The following SEM1 variants were observed in gnomAD, a reference collection of about 807,000 sequenced individuals.
SEM1 encodes the protein SEM1 26S proteasome subunit.
SEM1 carries 3 observed loss-of-function variants against 12.7 expected under a neutral mutation model. The observed-to-expected ratio is 0.24, with a 90% CI of 0.11 to 0.61. The LOEUF is 0.61. SEM1 is among the 20% of genes least tolerant of loss of function. SEM1 has a pLI of 0.88. For synonymous variants in SEM1, 30 were observed against 27.8 expected (o/e 1.08, Z -0.25); for missense variants, 59 against 81.3 (o/e 0.73, Z 1.06).
At chr7:96,641,549 A>G (rs1808610480) in intron 2 of SEM1, among the ~76,000 whole-genome samples, 1 of 152,060 alleles carries the variant, frequency 6.6e-6, no homozygotes. Flanking sequence ...GAGAAGGTAC[A>G]TTTTGTTTTA....
At chr7:96,533,325 T>G (rs1202841514) in intron 2 of SEM1, among the ~76,000 whole-genome samples, 1 of 151,812 alleles carries the variant, frequency 6.6e-6, no homozygotes, top group African/African-American at 2.4e-5. Context: ...AAAAAGCAAT[T>G]TTCTCCTCCC....
At chr7:96,563,260 A>G (rs2115926271) in intron 2 of SEM1, among the ~76,000 whole-genome samples, 1 of 152,224 alleles carries the variant, frequency 6.6e-6, no homozygotes, top group East Asian at 1.9e-4. Context: ...AGGGTTGGGA[A>G]GGTATATTCT....
intron 1 of SEM1, among the ~76,000 whole-genome samples, chr7:96,701,549 A>C (rs551310210): frequency 6.6e-6 from 1 of 152,310 alleles, no homozygotes; most frequent in Non-Finnish European, 1.5e-5. Context: ...CACCCAGTCT[A>C]TGCTATTTTG....
intron 2 of SEM1, among the ~76,000 whole-genome samples, chr7:96,530,753 G>A (rs1804614847): frequency 6.6e-6 from 1 of 152,112 alleles, no homozygotes; most frequent in African/African-American, 2.4e-5. Flanking sequence ...TATAGTGCCT[G>A]TAAGTTGCCT....
At chr7:96,483,930 C>G (rs990508960) in exon 4 of SEM1, 4 of 1,536,444 alleles carry the variant, frequency 2.6e-6, no homozygotes, top group South Asian at 1.2e-5. Flanking sequence ...CAAGAACAAT[C>G]TTCACAGTGC....
chr7:96,536,133 T>C (rs895728924), intron 2 of SEM1, among the ~76,000 whole-genome samples: 1 of 151,816 alleles, frequency 6.6e-6, no homozygotes, highest in African/African-American at 2.4e-5. Flanking sequence ...TTATTTTATA[T>C]TCATTTAATT....
intron 2 of SEM1, among the ~76,000 whole-genome samples, chr7:96,532,605 G>A (rs1020509394): frequency 6.6e-6 from 1 of 152,086 alleles, no homozygotes; most frequent in African/African-American, 2.4e-5. Flanking sequence ...TCTTCCTGTT[G>A]TAGTTCTTGC....
At chr7:96,593,794 A>AT (rs376830418) in intron 2 of SEM1, among the ~76,000 whole-genome samples, 42 of 149,834 alleles carry the variant, frequency 2.8e-4, no homozygotes, top group Middle Eastern at 3.4e-3. Flanking sequence ...ATGAATAAGC[A>AT]TTTTTTTTTT....
intron 2 of SEM1, among the ~76,000 whole-genome samples, chr7:96,633,533 G>C (rs1808336758): frequency 6.6e-6 from 1 of 151,968 alleles, no homozygotes; most frequent in African/African-American, 2.4e-5. Flanking sequence ...TAACATTCCT[G>C]GGATAATTTC....
At chr7:96,696,918 A>G in intron 1 of SEM1, 1 of 152,050 alleles carries the variant, frequency 6.6e-6, no homozygotes, top group East Asian at 1.9e-4. Context: ...CTGACAACCA[A>G]GCAATTTTAA....
intron 2 of SEM1, among the ~76,000 whole-genome samples, chr7:96,617,080 A>G (rs1250422796): frequency 6.6e-6 from 1 of 152,072 alleles, no homozygotes; most frequent in African/African-American, 2.4e-5. Flanking sequence ...TAATTCTCTG[A>G]AAAAATGTCA....
intron 1 of SEM1, among the ~76,000 whole-genome samples, chr7:96,495,303 T>C (rs560761465): frequency 6.6e-6 from 1 of 152,272 alleles, no homozygotes; most frequent in Admixed American, 6.5e-5. Flanking sequence ...GGAGCTAACA[T>C]GACTGAAGGC....
chr7:96,506,682 C>G (rs1027429861), exon 3 of SEM1: 7 of 151,898 alleles, frequency 4.6e-5, no homozygotes, highest in African/African-American at 1.7e-4. Flanking sequence ...TCAAACAGAG[C>G]CTACCCATTT....
At chr7:96,511,344 T>A (rs1398678825) in intron 2 of SEM1, among the ~76,000 whole-genome samples, 2 of 152,094 alleles carry the variant, frequency 1.3e-5, no homozygotes, top group Non-Finnish European at 1.5e-5. Flanking sequence ...ATAAAAACAA[T>A]ATAATCAGTT....
chr7:96,668,743 C>A (rs574182984), downstream of SEM1, among the ~76,000 whole-genome samples: 1 of 130,882 alleles, frequency 7.6e-6, no homozygotes, highest in East Asian at 3.6e-4. Flanking sequence ...GTTCCTTTCC[C>A]CTCTACCAAA....
Position 96,593,175 on chromosome 7 carries a change from T to C in SEM1, c.171-86477A>G, listed in dbSNP as rs559234695. Among the ~76,000 whole-genome samples, 366 of 152,264 alleles carry C rather than the reference T, an allele frequency of 2.4e-3. 1 individual carries two copies. Among genetic ancestry groups the C allele is most frequent in the African/African-American group, 8.6e-3 (356 of 41,546 alleles). ...TTTCCTCAATGTTTCTTTTGCATTT[T>C]CTTCCAAAGATACAGTAAGGTTATG... On this transcript the variant is annotated intron_variant and NMD_transcript_variant, in intron 2 of 3. Coordinates refer to the SEM1 transcript ENST00000466986.
In SEM1 at chr7:96,694,701, T is replaced by C; in HGVS notation, c.170+97A>G. ...ACAGTTCAAAAACCTATTTCAAAGATTAAGTAGCTTTTAAGAGGTTAATCA... is the reference window on the plus strand; with the variant it reads ...ACAGTTCAAAAACCTATTTCAAAGACTAAGTAGCTTTTAAGAGGTTAATCA... On this transcript the variant is annotated intron_variant, in intron 2 of 2. Coordinates refer to ENST00000248566, the MANE Select transcript of SEM1 (RefSeq NM_006304.2). The C allele has an allele frequency of 3.9e-6, 3 of 770,794 alleles. No individual in the cohort carries two copies. In the South Asian group the frequency reaches 5.7e-5, roughly 15 times the overall value. The allele number at this position is 770,794 out of a possible 1,614,324, so 47.7% of individuals were successfully genotyped here.
At chr7:96,645,784 G>A in intron 2 of SEM1, 1 of 398,422 alleles carries the variant, frequency 2.5e-6, no homozygotes, top group Middle Eastern at 6.3e-4. Flanking sequence ...ATTAGAGGCA[G>A]TTGAGGAGGA....
chr7:96,687,161 A>C (rs893638989), downstream of SEM1, among the ~76,000 whole-genome samples: 1 of 152,184 alleles, frequency 6.6e-6, no homozygotes, highest in Admixed American at 6.5e-5. Flanking sequence ...GATGTGGAGA[A>C]ACAGGAACAC....
Sources: gnomAD v4.1 joint callset for allele counts (sites outside exome capture counted in the v4.1 genomes callset) on GRCh38, gnomAD v4.1.1 for gene constraint, MANE v1.5 for transcripts, NCBI Gene and HGNC (gene_info 2026-07-23, HGNC 2026-07-21) for gene names.